Variants in SPIDR observed in about 807,000 individuals in gnomAD.
The protein encoded by SPIDR is scaffold protein involved in DNA repair.
Under a neutral mutation model 104.6 loss-of-function variants are expected in SPIDR, and 93 were observed. The observed-to-expected ratio is 0.89, with a 90% CI of 0.75 to 1.06. The LOEUF is 1.06. SPIDR is among the 50% of genes least tolerant of loss of function. The pLI is 0.00. For missense variants in SPIDR, 1,154 were observed against 1,111.2 expected, an observed-to-expected ratio of 1.04 and a Z score of -0.55; for synonymous variants, 431 against 416.9, an observed-to-expected ratio of 1.03 and a Z score of -0.41.
intron 5 of SPIDR, among the ~76,000 whole-genome samples, chr8:47,369,510 T>C (rs1447589371): frequency 6.6e-6 from 1 of 152,238 alleles, no homozygotes; most frequent in East Asian, 1.9e-4. Context: ...TCCTGCTGGG[T>C]ACTGCCCTCT....
chr8:47,705,079 A>G (rs2080885519), intron 14 of SPIDR, among the ~76,000 whole-genome samples: 1 of 151,960 alleles, frequency 6.6e-6, no homozygotes, highest in African/African-American at 2.4e-5. Flanking sequence ...TGCAGCTAAC[A>G]CTCCTGCCCA....
intron 9 of SPIDR, 76 bp downstream of exon 9, chr8:47,596,082 G>C: frequency 2.2e-6 from 3 of 1,342,532 alleles, no homozygotes; most frequent in Non-Finnish European, 3.1e-6. Flanking sequence ...TTCAGTGTAA[G>C]TGAAGATGTT....
At chr8:47,270,527 C>T (rs1376655323) in intron 1 of SPIDR, among the ~76,000 whole-genome samples, 1 of 152,042 alleles carries the variant, frequency 6.6e-6, no homozygotes, top group Non-Finnish European at 1.5e-5. Flanking sequence ...ATCTTCTCTT[C>T]CCCGCCCCCA....
chr8:47,411,486 T>G (rs1379650058), intron 7 of SPIDR, among the ~76,000 whole-genome samples: 1 of 152,226 alleles, frequency 6.6e-6, no homozygotes, highest in Non-Finnish European at 1.5e-5. Flanking sequence ...TCATATCCTT[T>G]GCCCACTTGT....
At chr8:47,550,706 A>T (rs530776537) in intron 8 of SPIDR, among the ~76,000 whole-genome samples, 4 of 152,338 alleles carry the variant, frequency 2.6e-5, no homozygotes, top group Non-Finnish European at 4.4e-5. Context: ...CAATCATGGC[A>T]TCTGCAAACA....
intron 8 of SPIDR, among the ~76,000 whole-genome samples, chr8:47,583,171 T>G (rs1588051607): frequency 6.6e-6 from 1 of 150,812 alleles, no homozygotes; most frequent in Non-Finnish European, 1.5e-5. Flanking sequence ...CCGGGCGTGG[T>G]GGCGGGCGCC....
chr8:47,434,951 A>G (rs2068016814), intron 7 of SPIDR, among the ~76,000 whole-genome samples: 1 of 151,964 alleles, frequency 6.6e-6, no homozygotes, highest in Admixed American at 6.6e-5. Context: ...TGCTCAATTT[A>G]TTGTTTTGTG....
Position 47,695,623 on chromosome 8 carries a change from G to A in SPIDR, c.1686-4780G>A, listed in dbSNP as rs1321889395. Among the ~76,000 whole-genome samples the A allele has an allele frequency of 5.3e-5, 8 of 152,176 alleles. 2 individuals carry two copies. The highest frequency in any genetic ancestry group is 6.5e-5 in the Admixed American group (1 of 15,274). ...AAAATAAGCCCTGAAATAACTAAGA[G>A]AATAGGCAAGCAAGCTGGTAATATC... is the stretch of plus-strand genomic sequence containing the variant. On this transcript the variant is annotated intron_variant, in intron 11 of 19. Coordinates refer to ENST00000297423, the MANE Select transcript of SPIDR (RefSeq NM_001080394.4).
intron 11 of SPIDR, among the ~76,000 whole-genome samples, chr8:47,692,504 T>C (rs2078804601): frequency 6.7e-6 from 1 of 148,814 alleles, no homozygotes; most frequent in Non-Finnish European, 1.5e-5. Context: ...TTTTTTTTTT[T>C]TTTTTTCTTT....
intron 5 of SPIDR, among the ~76,000 whole-genome samples, chr8:47,368,634 C>T (rs1554636517): frequency 3.9e-5 from 6 of 152,026 alleles, no homozygotes. Context: ...ATATGACTAA[C>T]CTATGGAAAA....
chr8:47,317,332 C>T (rs1190450363), intron 5 of SPIDR, among the ~76,000 whole-genome samples: 1 of 152,016 alleles, frequency 6.6e-6, no homozygotes, highest in African/African-American at 2.4e-5. Context: ...GAGGGTCCTA[C>T]ACCTGCGGAG....
chr8:47,457,338 T>G (rs1322169762), intron 8 of SPIDR, among the ~76,000 whole-genome samples: 3 of 152,202 alleles, frequency 2.0e-5, no homozygotes, highest in Non-Finnish European at 4.4e-5. Flanking sequence ...TGGTGTTGAC[T>G]TCCATTTCCG....
Position 47,489,004 on chromosome 8 carries a change from C to T in SPIDR, c.1097+48462C>T, listed in dbSNP as rs577074810. ...ATAGTGTTGGAAGTTCTGGCCAGGG[C>T]AGTCAGGCAGGAGAAAGAAATAAAG... On this transcript the variant is annotated intron_variant, in intron 8 of 19. Transcript: ENST00000297423. Among the ~76,000 whole-genome samples, 6 of 152,216 alleles carry T rather than the reference C, an allele frequency of 3.9e-5. No homozygotes were observed. In the South Asian group the frequency reaches 6.2e-4, roughly 16 times the overall value.
chr8:47,729,462 T>C lies in SPIDR; in HGVS notation c.2601T>C (p.Asp867=). 6.3e-7 allele frequency: 1 copy of C among 1,596,798 alleles called. No individual in the cohort carries two copies. Among genetic ancestry groups the C allele is most frequent in the Non-Finnish European group, 8.5e-7 (1 of 1,172,756 alleles). ...SSLLRFAAGE[D]GSYEVKSVLG... ...TGCTGAGGTTTGCCGCCGGTGAAGATGGGGTAAGTGCAGGGGGCCCAGCCC... is the reference window on the plus strand; with the variant it reads ...TGCTGAGGTTTGCCGCCGGTGAAGACGGGGTAAGTGCAGGGGGCCCAGCCC... The change falls in exon 19 of 20, where the codon GAT becomes GAC. Residue 867 remains aspartate (D), a synonymous_variant. Coordinates refer to ENST00000297423, the MANE Select transcript of SPIDR (RefSeq NM_001080394.4).
intron 5 of SPIDR, among the ~76,000 whole-genome samples, chr8:47,297,267 G>A (rs1168697258): frequency 3.9e-5 from 6 of 152,074 alleles, no homozygotes; most frequent in East Asian, 1.9e-4. Flanking sequence ...TGGCAAGAGC[G>A]GGCATTCTTA....
intron 10 of SPIDR, among the ~76,000 whole-genome samples, chr8:47,619,388 G>A (rs1212500341): frequency 3.9e-5 from 6 of 152,014 alleles, no homozygotes; most frequent in South Asian, 4.1e-4. Context: ...TTACTACTTC[G>A]TCTCAGCTGC....
At chr8:47,572,272 T>C (rs912499871) in intron 8 of SPIDR, among the ~76,000 whole-genome samples, 5 of 152,200 alleles carry the variant, frequency 3.3e-5, no homozygotes, top group Admixed American at 6.5e-5. Flanking sequence ...TAGTTTACAA[T>C]CTTAACATAC....
chr8:47,682,310 C>CGTATTGTG lies in SPIDR; in HGVS notation c.1685+8370_1685+8377dup, dbSNP rs1240173200. On this transcript the variant is annotated intron_variant, in intron 11 of 19. Transcript: ENST00000297423. ...AAAAGGTCTCATGCCTTGTGACTCC[C>CGTATTGTG]GTATTGTGAAATGTCCAGACCAGGC... Among the ~76,000 whole-genome samples the CGTATTGTG allele has an allele frequency of 1.3e-4, 19 of 151,242 alleles. No individual in the cohort carries two copies. The East Asian group carries it at 2.9e-3, about 23-fold the overall frequency.
chr8:47,335,242 C>A (rs181319435), intron 5 of SPIDR, among the ~76,000 whole-genome samples: 3 of 152,250 alleles, frequency 2.0e-5, no homozygotes, highest in Non-Finnish European at 4.4e-5. Flanking sequence ...GAATTTCCGA[C>A]CTATATTATT....
Sources: allele counts gnomAD v4.1 joint callset (sites outside exome capture counted in the v4.1 genomes callset), GRCh38; gene constraint gnomAD v4.1.1; transcripts MANE v1.5; gene names NCBI Gene and HGNC (gene_info 2026-07-23, HGNC 2026-07-21).